HTR4: variants seen among roughly 807,000 people sequenced by gnomAD.
HTR4 encodes the protein 5-hydroxytryptamine receptor 4.
Under a neutral mutation model 36.8 loss-of-function variants are expected in HTR4, and 16 were observed. That is an observed-to-expected ratio of 0.43 (90% CI 0.29 to 0.66). The LOEUF is 0.66. Among genes scored for constraint, HTR4 ranks in the 30% least tolerant of loss-of-function variants. The probability of loss-of-function intolerance (pLI) is 0.13; values close to 1 mark genes in which losing one functional copy is unlikely to be tolerated. For synonymous variants in HTR4, 189 were observed against 185.1 expected (o/e 1.02, Z -0.17); for missense variants, 438 against 490.9 (o/e 0.89, Z 1.02).
At chr5:148,556,974 T>C (rs1416268139) in intron 2 of HTR4, among the ~76,000 whole-genome samples, 1 of 152,148 alleles carries the variant, frequency 6.6e-6, no homozygotes. Context: ...GAAGAGCAAC[T>C]GCAAAAGCCC....
chr5:148,642,944 T>C (rs540894597), intron 1 of HTR4, among the ~76,000 whole-genome samples: 2 of 152,196 alleles, frequency 1.3e-5, no homozygotes, highest in Admixed American at 6.5e-5. Flanking sequence ...AGTGTACAGG[T>C]GAAAATGTGT....
intron 6 of HTR4, among the ~76,000 whole-genome samples, chr5:148,502,999 A>T (rs575660065): frequency 4.3e-4 from 65 of 152,334 alleles, no homozygotes; most frequent in African/African-American, 1.5e-3. Context: ...ATGGGAAAAG[A>T]CCAAATCTAC....
chr5:148,633,217 A>G (rs1170783722), intron 2 of HTR4, among the ~76,000 whole-genome samples: 1 of 152,046 alleles, frequency 6.6e-6, no homozygotes, highest in Non-Finnish European at 1.5e-5. Flanking sequence ...TCATGATTCA[A>G]TCCATCCTGC....
At chr5:148,613,269 C>T (rs1337936057) in intron 2 of HTR4, among the ~76,000 whole-genome samples, 2 of 136,008 alleles carry the variant, frequency 1.5e-5, no homozygotes, top group Admixed American at 1.5e-4. Flanking sequence ...AACATTGATG[C>T]AAAAATCCTC....
At chr5:148,523,376 G>C in intron 4 of HTR4, 30 bp from the exon 5 acceptor site, 1 of 1,565,162 alleles carries the variant, frequency 6.4e-7, no homozygotes. Flanking sequence ...CAGAGCATAG[G>C]CATGGGCAAG....
intron 5 of HTR4, among the ~76,000 whole-genome samples, chr5:148,511,135 C>G (rs1339890959): frequency 6.6e-6 from 1 of 152,170 alleles, no homozygotes. Flanking sequence ...CCATCTACAC[C>G]TTTGACATAG....
At chr5:148,609,865 C>A (rs912420678) in intron 2 of HTR4, among the ~76,000 whole-genome samples, 4 of 152,162 alleles carry the variant, frequency 2.6e-5, no homozygotes, top group African/African-American at 9.7e-5. Context: ...CACGCCCGGC[C>A]CATGAGCCAC....
At chr5:148,632,183 G>T (rs191134665) in intron 2 of HTR4, among the ~76,000 whole-genome samples, 1 of 152,214 alleles carries the variant, frequency 6.6e-6, no homozygotes, top group Non-Finnish European at 1.5e-5. Context: ...GATTAAAAGG[G>T]TTGGAAAATA....
At chr5:148,496,036 G>C (rs1036088357) in intron 6 of HTR4, among the ~76,000 whole-genome samples, 1 of 152,154 alleles carries the variant, frequency 6.6e-6, no homozygotes, top group Non-Finnish European at 1.5e-5. Context: ...GGAGGCGGAG[G>C]TTGCAGTAAG....
chr5:148,460,751 T>G (rs1755255549), intron 5 of HTR4, among the ~76,000 whole-genome samples: 1 of 152,150 alleles, frequency 6.6e-6, no homozygotes, highest in Non-Finnish European at 1.5e-5. Context: ...TAATAGCTTT[T>G]ATTTTTCTTA....
At chr5:148,492,157 G>A (rs1216281821) in intron 6 of HTR4, among the ~76,000 whole-genome samples, 3 of 152,194 alleles carry the variant, frequency 2.0e-5, no homozygotes, top group Non-Finnish European at 4.4e-5. Context: ...TGATCTCTGA[G>A]GGCTGGTACA....
chr5:148,564,564 A>T (rs1760355570), intron 2 of HTR4, among the ~76,000 whole-genome samples: 2 of 152,100 alleles, frequency 1.3e-5, no homozygotes, highest in African/African-American at 4.8e-5. Context: ...ACACAAAGGG[A>T]TTTCCCCCTT....
chr5:148,621,025 G>A (rs1187120738), intron 2 of HTR4, among the ~76,000 whole-genome samples: 1 of 152,184 alleles, frequency 6.6e-6, no homozygotes, highest in Admixed American at 6.5e-5. Flanking sequence ...ATATTTGTAT[G>A]TGTCAGAAAA....
chr5:148,487,744 C>T (rs1756232314), intron 6 of HTR4, among the ~76,000 whole-genome samples: 1 of 151,706 alleles, frequency 6.6e-6, no homozygotes, highest in South Asian at 2.1e-4. Flanking sequence ...AGAGAGCGAG[C>T]TTAGAGATAG....
At chr5:148,609,349 T>A (rs1340530637) in intron 2 of HTR4, among the ~76,000 whole-genome samples, 1 of 152,212 alleles carries the variant, frequency 6.6e-6, no homozygotes, top group Non-Finnish European at 1.5e-5. Flanking sequence ...CAGTTCCCAC[T>A]GTCCTTCACT....
At chr5:148,510,061 G>A (rs763623295) in intron 5 of HTR4, 37 bp from the exon 6 acceptor site, 96 of 1,381,020 alleles carry the variant, frequency 7.0e-5, no homozygotes, top group Non-Finnish European at 8.3e-5. Flanking sequence ...GAGGAAAGGA[G>A]GTAAAAAGGA....
At chr5:148,459,695 G>A (rs1034475226) in intron 5 of HTR4, among the ~76,000 whole-genome samples, 2 of 152,088 alleles carry the variant, frequency 1.3e-5, no homozygotes, top group East Asian at 3.8e-4. Flanking sequence ...AAGACATCAT[G>A]TGTAGCTATC....
At chr5:148,620,253 C>T (rs945745603) in intron 2 of HTR4, among the ~76,000 whole-genome samples, 1 of 152,346 alleles carries the variant, frequency 6.6e-6, no homozygotes, top group Middle Eastern at 3.4e-3. Context: ...TGCCAAGAAA[C>T]TGATCAGTCT....
intron 4 of HTR4, among the ~76,000 whole-genome samples, chr5:148,527,364 A>G (rs1016540794): frequency 6.6e-6 from 1 of 152,158 alleles, no homozygotes; most frequent in Non-Finnish European, 1.5e-5. Flanking sequence ...TGCTCATAAC[A>G]TTTTTATGAA....
Sources: allele counts gnomAD v4.1 joint callset (sites outside exome capture counted in the v4.1 genomes callset), GRCh38; gene constraint gnomAD v4.1.1; transcripts MANE v1.5; gene names NCBI Gene and HGNC (gene_info 2026-07-23, HGNC 2026-07-21).